The following COL4A1 variants were observed in gnomAD, a reference collection of about 807,000 sequenced individuals.
COL4A1 encodes collagen type IV alpha 1 chain.
Under a neutral mutation model 216.6 loss-of-function variants are expected in COL4A1, and 40 were observed. The ratio of observed to expected loss-of-function variants is 0.18; its 90% confidence interval spans 0.14 to 0.24. COL4A1 has a LOEUF of 0.24. COL4A1 is among the 10% of genes least tolerant of loss of function. The pLI is 1.00. For missense variants in COL4A1, 1,628 were observed against 2,196.8 expected (o/e 0.74, Z 5.18); for synonymous variants, 839 against 810.7 (o/e 1.03, Z -0.59).
intron 1 of COL4A1, among the ~76,000 whole-genome samples, chr13:110,249,103 G>A (rs1026400703): frequency 1.3e-4 from 20 of 152,072 alleles, no homozygotes; most frequent in Non-Finnish European, 7.3e-5. Flanking sequence ...AGCACACTCT[G>A]TATGATCCCA....
At chr13:110,182,482 G>C (rs980954599) in intron 28 of COL4A1, among the ~76,000 whole-genome samples, 1 of 152,130 alleles carries the variant, frequency 6.6e-6, no homozygotes, top group East Asian at 1.9e-4. Context: ...AGGTCTACCT[G>C]AGGGACAAGT....
chr13:110,157,527 A>T (rs1876843658), intron 49 of COL4A1, among the ~76,000 whole-genome samples: 2 of 152,266 alleles, frequency 1.3e-5, no homozygotes, highest in African/African-American at 4.8e-5. Context: ...ACAAAGGGGC[A>T]GCCTCTCTAC....
chr13:110,182,876 G>A, intron 28 of COL4A1, 117 bp downstream of exon 28: 1 of 966,270 alleles, frequency 1.0e-6, no homozygotes, highest in Non-Finnish European at 1.6e-6. Flanking sequence ...GGGCTCTTCT[G>A]AAAGCCTCCC....
chr13:110,204,777 C>T (rs1419986676), intron 17 of COL4A1, among the ~76,000 whole-genome samples: 2 of 151,758 alleles, frequency 1.3e-5, no homozygotes, highest in Non-Finnish European at 2.9e-5. Flanking sequence ...CCCAATATTA[C>T]GCTTTTAGGA....
At chr13:110,304,328 G>C (rs985361608) in intron 1 of COL4A1, among the ~76,000 whole-genome samples, 6 of 152,112 alleles carry the variant, frequency 3.9e-5, no homozygotes, top group African/African-American at 1.4e-4. Flanking sequence ...TTGAACTCTA[G>C]GTCATTCAGT....
At chr13:110,298,895 G>C (rs908022716) in intron 1 of COL4A1, 1 of 152,456 alleles carries the variant, frequency 6.6e-6, no homozygotes, top group Non-Finnish European at 1.5e-5. Flanking sequence ...CCCGAAGAGG[G>C]GAGAAAGCCA....
At chr13:110,302,727 C>T (rs7317784) in intron 1 of COL4A1, among the ~76,000 whole-genome samples, 95,695 of 152,060 alleles carry the variant, frequency 0.63, 30,625 homozygotes, top group Admixed American at 0.72. Context: ...CTCTGGTTGA[C>T]ATCCCTTTTC....
chr13:110,263,838 A>G (rs1216322005), intron 1 of COL4A1, among the ~76,000 whole-genome samples: 1 of 152,242 alleles, frequency 6.6e-6, no homozygotes, highest in Non-Finnish European at 1.5e-5. Context: ...AGTTTAGGCT[A>G]TCAACATTAG....
intron 22 of COL4A1, among the ~76,000 whole-genome samples, chr13:110,193,701 C>A (rs771443068): frequency 1.3e-5 from 2 of 152,256 alleles, no homozygotes; most frequent in African/African-American, 4.8e-5. Flanking sequence ...CCACTCTGCC[C>A]TGGGATGCCC....
intron 1 of COL4A1, among the ~76,000 whole-genome samples, chr13:110,275,430 C>A (rs1883392674): frequency 6.6e-6 from 1 of 152,174 alleles, no homozygotes; most frequent in African/African-American, 2.4e-5. Flanking sequence ...TGTGGAACAA[C>A]AAAAATTCTC....
At chr13:110,292,688 C>T (rs1009981779) in intron 1 of COL4A1, among the ~76,000 whole-genome samples, 1 of 152,158 alleles carries the variant, frequency 6.6e-6, no homozygotes, top group Non-Finnish European at 1.5e-5. Flanking sequence ...CATGAGAACT[C>T]ACTCACTATC....
chr13:110,216,284 G>T (rs932468153), intron 2 of COL4A1, among the ~76,000 whole-genome samples: 1 of 152,158 alleles, frequency 6.6e-6, no homozygotes, highest in African/African-American at 2.4e-5. Context: ...TGCAGTGATG[G>T]CCCCAGGACA....
chr13:110,268,988 C>T lies in COL4A1; in HGVS notation c.85-26254G>A, dbSNP rs1468903925. On this transcript the variant is annotated intron_variant, in intron 1 of 51. Coordinates refer to ENST00000375820, the MANE Select transcript of COL4A1 (RefSeq NM_001845.6). The surrounding 1 kb of genome is among the most constrained non-coding windows in gnomAD (Gnocchi z 4.1). ...CCGCGCACCTCCACACGCCTTGCAGCACCACGGCCCACCTCTTGGCGCACG... is the reference window on the plus strand; with the variant it reads ...CCGCGCACCTCCACACGCCTTGCAGTACCACGGCCCACCTCTTGGCGCACG... Among the ~76,000 whole-genome samples the T allele has an allele frequency of 6.6e-6, 1 of 151,122 alleles. No individual in the cohort carries two copies. The highest frequency in any genetic ancestry group is 1.5e-5 in the Non-Finnish European group (1 of 67,872).
intron 50 of COL4A1, among the ~76,000 whole-genome samples, chr13:110,154,318 CAG>C (rs1566334096): frequency 6.6e-6 from 1 of 152,218 alleles, no homozygotes; most frequent in Non-Finnish European, 1.5e-5. Flanking sequence ...GTGTATCAAA[CAG>C]GGGCCTTGTT....
At chr13:110,295,258 CTT>C (rs67516756) in intron 1 of COL4A1, among the ~76,000 whole-genome samples, 3,546 of 135,502 alleles carry the variant, frequency 0.026, 123 homozygotes, top group African/African-American at 0.091. Context: ...TTCTTTCTTT[CTT>C]TTTTTTTTTT....
At chr13:110,166,854 C>T (rs965284879) in intron 44 of COL4A1, among the ~76,000 whole-genome samples, 1 of 152,152 alleles carries the variant, frequency 6.6e-6, no homozygotes, top group African/African-American at 2.4e-5. Context: ...AGCTGGTAAG[C>T]AGCCCAAAAA....
chr13:110,155,227 T>C, intron 50 of COL4A1, 56 bp downstream of exon 50: 1 of 1,313,938 alleles, frequency 7.6e-7, no homozygotes, highest in South Asian at 1.2e-5. Flanking sequence ...CAGAGGCGAC[T>C]ATGGGGCGTG....
chr13:110,199,459 T>C (rs532543101), intron 20 of COL4A1, among the ~76,000 whole-genome samples: 1 of 152,258 alleles, frequency 6.6e-6, no homozygotes, highest in East Asian at 1.9e-4. Flanking sequence ...CACAACGTGC[T>C]CCAAGGCAGC....
intron 41 of COL4A1, among the ~76,000 whole-genome samples, chr13:110,170,984 A>G (rs1877617286): frequency 6.6e-6 from 1 of 152,242 alleles, no homozygotes; most frequent in Non-Finnish European, 1.5e-5. Flanking sequence ...TCGTTTTCAT[A>G]CTTCTCACGA....
Sources: allele counts gnomAD v4.1 joint callset (sites outside exome capture counted in the v4.1 genomes callset), GRCh38; gene constraint gnomAD v4.1.1; non-coding constraint Gnocchi (gnomAD v3.1); transcripts MANE v1.5; gene names NCBI Gene and HGNC (gene_info 2026-07-23, HGNC 2026-07-21).